BTBD9: variants seen among roughly 807,000 people sequenced by gnomAD.
BTBD9 encodes BTB/POZ domain-containing protein 9.
A neutral mutation model predicts 64.3 loss-of-function variants in BTBD9; 49 were observed. That is an observed-to-expected ratio of 0.76 (90% CI 0.61 to 0.97). The LOEUF is 0.97. BTBD9 is among the 50% of genes least tolerant of loss of function. The pLI is 0.00. For synonymous variants in BTBD9, 260 were observed against 274.7 expected, an observed-to-expected ratio of 0.95 and a Z score of 0.53; for missense variants, 598 against 762.1, an observed-to-expected ratio of 0.78 and a Z score of 2.53.
At chr6:38,504,770 T>C (rs1182179837) in intron 6 of BTBD9, among the ~76,000 whole-genome samples, 1 of 152,122 alleles carries the variant, frequency 6.6e-6, no homozygotes, top group East Asian at 1.9e-4. Context: ...GTGACAAAAA[T>C]GAAAACAAAG....
intron 6 of BTBD9, among the ~76,000 whole-genome samples, chr6:38,395,704 CTG>C (rs1467922563): frequency 7.1e-6 from 1 of 140,030 alleles, no homozygotes. Context: ...TAAATGTTTA[CTG>C]TTTTTTTTTT....
chr6:38,248,413 C>T (rs569965199), intron 9 of BTBD9, among the ~76,000 whole-genome samples: 66 of 152,196 alleles, frequency 4.3e-4, no homozygotes, highest in African/African-American at 1.5e-3. Flanking sequence ...AAAATGTTTG[C>T]GAGGGGCACA....
chr6:38,372,952 T>C (rs1476133312), intron 6 of BTBD9, among the ~76,000 whole-genome samples: 1 of 152,214 alleles, frequency 6.6e-6, no homozygotes, highest in Non-Finnish European at 1.5e-5. Context: ...TAGGTTTCTC[T>C]GTATGTCCTG....
intron 6 of BTBD9, among the ~76,000 whole-genome samples, chr6:38,399,902 C>A (rs191083886): frequency 4.0e-5 from 6 of 151,804 alleles, no homozygotes; most frequent in African/African-American, 1.5e-4. Context: ...TGGGCATGTG[C>A]CACCATGCCC....
intron 10 of BTBD9, among the ~76,000 whole-genome samples, chr6:38,185,942 C>T (rs1761795001): frequency 6.6e-6 from 1 of 152,150 alleles, no homozygotes; most frequent in Non-Finnish European, 1.5e-5. Context: ...TGGATGGACG[C>T]TCATGGTGTC....
chr6:38,356,192 G>A (rs1220229591), intron 6 of BTBD9, among the ~76,000 whole-genome samples: 1 of 152,168 alleles, frequency 6.6e-6, no homozygotes, highest in East Asian at 1.9e-4. Context: ...GTGACTTGCT[G>A]TGGGTCTATT....
intron 6 of BTBD9, among the ~76,000 whole-genome samples, chr6:38,454,043 A>G (rs1335420645): frequency 6.6e-6 from 1 of 152,226 alleles, no homozygotes; most frequent in Non-Finnish European, 1.5e-5. Context: ...AAAGGAGATC[A>G]AAAGGTGCAG....
chr6:38,392,517 C>T (rs1241030565), intron 6 of BTBD9, among the ~76,000 whole-genome samples: 3 of 147,842 alleles, frequency 2.0e-5, no homozygotes, highest in Non-Finnish European at 3.0e-5. Context: ...TAAGCGTCTA[C>T]TATACCAAAG....
intron 6 of BTBD9, among the ~76,000 whole-genome samples, chr6:38,417,801 A>AGAGAGAGAGAGAGGGAGAGAGAG (rs56268245): frequency 7.3e-6 from 1 of 136,948 alleles, no homozygotes; most frequent in African/African-American, 3.1e-5. Context: ...AGAGAGAGAG[A>AGAGAGAGAGAGAGGGAGAGAGAG]AAAAAAATAT....
intron 7 of BTBD9, among the ~76,000 whole-genome samples, chr6:38,333,916 G>A (rs1469593381): frequency 2.0e-5 from 3 of 152,140 alleles, no homozygotes; most frequent in African/African-American, 7.2e-5. Flanking sequence ...GGAGGGCTCA[G>A]AAGAAGACAG....
At chr6:38,207,632 A>G (rs561826821) in intron 9 of BTBD9, among the ~76,000 whole-genome samples, 2 of 152,064 alleles carry the variant, frequency 1.3e-5, no homozygotes, top group African/African-American at 4.8e-5. Context: ...AAAAATAAAC[A>G]AACAAACAAA....
At chr6:38,564,930 A>G (rs1207406897) in intron 6 of BTBD9, among the ~76,000 whole-genome samples, 1 of 152,104 alleles carries the variant, frequency 6.6e-6, no homozygotes, top group African/African-American at 2.4e-5. Flanking sequence ...AGATCTCACT[A>G]TATAAAAACA....
chr6:38,487,592 CGAGA>C (rs70981555), intron 6 of BTBD9, among the ~76,000 whole-genome samples: 3,143 of 122,636 alleles, frequency 0.026, 39 homozygotes, highest in African/African-American at 0.036. Context: ...AGAGAGTCAG[CGAGA>C]GAGAGAGAGA....
chr6:38,278,152 C>T (rs1014526404), intron 8 of BTBD9, among the ~76,000 whole-genome samples: 2 of 152,160 alleles, frequency 1.3e-5, no homozygotes, highest in African/African-American at 4.8e-5. Flanking sequence ...GACATGGTAG[C>T]TAAAACTGTA....
chr6:38,279,573 TG>T (rs1761423355), intron 8 of BTBD9, among the ~76,000 whole-genome samples: 1 of 152,202 alleles, frequency 6.6e-6, no homozygotes, highest in Non-Finnish European at 1.5e-5. Context: ...TGAAGTCCTA[TG>T]CTTCTGTTAG....
chr6:38,220,206 C>T (rs1313860273), intron 9 of BTBD9, among the ~76,000 whole-genome samples: 1 of 152,168 alleles, frequency 6.6e-6, no homozygotes, highest in Non-Finnish European at 1.5e-5. Flanking sequence ...GGGCACGGCC[C>T]CACCTTCCTC....
chr6:38,291,661 C>A (rs952723439), intron 7 of BTBD9, among the ~76,000 whole-genome samples: 1 of 152,112 alleles, frequency 6.6e-6, no homozygotes, highest in Non-Finnish European at 1.5e-5. Context: ...TTTTGAGATA[C>A]GTTCCATCAA....
chr6:38,229,607 A>G (rs1458879059), intron 9 of BTBD9, among the ~76,000 whole-genome samples: 1 of 152,200 alleles, frequency 6.6e-6, no homozygotes, highest in Non-Finnish European at 1.5e-5. Context: ...AGTGTAGACT[A>G]AGACTGCTCA....
At chr6:38,575,600 T>C (rs1396016750) in intron 6 of BTBD9, among the ~76,000 whole-genome samples, 1 of 152,196 alleles carries the variant, frequency 6.6e-6, no homozygotes, top group Non-Finnish European at 1.5e-5. Context: ...TCAGTTAATC[T>C]ACAGAGACAT....
Sources: gnomAD v4.1 joint callset for allele counts (sites outside exome capture counted in the v4.1 genomes callset) on GRCh38, gnomAD v4.1.1 for gene constraint, MANE v1.5 for transcripts, NCBI Gene and HGNC (gene_info 2026-07-23, HGNC 2026-07-21) for gene names.